The following CSMD2 variants were observed in gnomAD, a reference collection of about 807,000 sequenced individuals.
CSMD2 encodes CUB and Sushi multiple domains 2, also known as CUB and sushi domain-containing protein 2.
Under a neutral mutation model 398.5 loss-of-function variants are expected in CSMD2, and 130 were observed. The observed-to-expected ratio is 0.33, with a 90% confidence interval of 0.28 to 0.38. CSMD2 has a LOEUF of 0.38. Among genes scored for constraint, CSMD2 ranks in the 10% least tolerant of loss-of-function variants. CSMD2 has a pLI of 1.00. For missense variants in CSMD2, 3,829 were observed against 4,764.9 expected, an observed-to-expected ratio of 0.80 and a Z score of 5.78; for synonymous variants, 1,828 against 1,908.5, an observed-to-expected ratio of 0.96 and a Z score of 1.10.
intron 5 of CSMD2, among the ~76,000 whole-genome samples, chr1:33,887,455 T>C (rs1641679562): frequency 6.6e-6 from 1 of 152,196 alleles, no homozygotes; most frequent in Non-Finnish European, 1.5e-5. Context: ...AAAATTGTAC[T>C]TAGCCTCATC....
intron 2 of CSMD2, among the ~76,000 whole-genome samples, chr1:34,053,015 C>T (rs1570945717): frequency 6.6e-6 from 1 of 152,016 alleles, no homozygotes; most frequent in East Asian, 1.9e-4. Context: ...GTTTGGACAG[C>T]TCTCTCAATA....
chr1:33,987,577 C>T (rs1036629606), intron 3 of CSMD2, among the ~76,000 whole-genome samples: 5 of 152,206 alleles, frequency 3.3e-5, no homozygotes, highest in Admixed American at 2.0e-4. Flanking sequence ...CTCCCAGGAG[C>T]ATCTCTTCCA....
chr1:34,155,923 C>T (rs986010262), intron 1 of CSMD2, among the ~76,000 whole-genome samples: 6 of 152,182 alleles, frequency 3.9e-5, no homozygotes, highest in African/African-American at 1.2e-4. Context: ...GAAGATGAAA[C>T]GATTGGCTTC....
intron 5 of CSMD2, among the ~76,000 whole-genome samples, chr1:33,902,670 C>T (rs1378218263): frequency 1.3e-5 from 2 of 152,156 alleles, no homozygotes; most frequent in African/African-American, 4.8e-5. Flanking sequence ...CGCTAAGTAT[C>T]CCCCTCAGCC....
chr1:34,083,004 C>G (rs1332528741), intron 2 of CSMD2, among the ~76,000 whole-genome samples: 2 of 151,728 alleles, frequency 1.3e-5, no homozygotes, highest in Non-Finnish European at 2.9e-5. Context: ...GACCTTCTCT[C>G]CACTATTGTC....
intron 3 of CSMD2, among the ~76,000 whole-genome samples, chr1:34,010,887 A>T (rs1647257283): frequency 6.6e-6 from 1 of 152,136 alleles, no homozygotes; most frequent in Non-Finnish European, 1.5e-5. Flanking sequence ...GGCCTCCCAG[A>T]GTGCTGGGAT....
In CSMD2 at chr1:33,983,735, T is replaced by C. The variant is rs1646251342; in HGVS notation, c.518-47781A>G. Reference sequence around the variant, plus strand: ...GATCTCTGTAAAGGAGAGAAAGACGTTTTGAGGAAGCTTGTTTCTGTGCAT... The same window carrying C: ...GATCTCTGTAAAGGAGAGAAAGACGCTTTGAGGAAGCTTGTTTCTGTGCAT... On this transcript the variant is annotated intron_variant, in intron 3 of 70. Transcript: ENST00000373381. Among the ~76,000 whole-genome samples the C allele has an allele frequency of 2.0e-5, 3 of 152,036 alleles. No homozygotes were observed. In the South Asian group the frequency reaches 6.2e-4, roughly 32 times the overall value.
At chr1:33,760,898 A>G (rs534633043) in intron 13 of CSMD2, among the ~76,000 whole-genome samples, 93 of 151,988 alleles carry the variant, frequency 6.1e-4, no homozygotes, top group Non-Finnish European at 1.2e-3. Context: ...CTCCCTTACC[A>G]CACCCTCAAT....
At chr1:33,637,099 C>A (rs1642853477) in intron 29 of CSMD2, among the ~76,000 whole-genome samples, 1 of 152,192 alleles carries the variant, frequency 6.6e-6, no homozygotes, top group Admixed American at 6.5e-5. Context: ...CCCATCTGTA[C>A]CACTGGCTGG....
intron 9 of CSMD2, among the ~76,000 whole-genome samples, chr1:33,817,933 A>G (rs892204265): frequency 6.6e-6 from 1 of 152,252 alleles, no homozygotes; most frequent in African/African-American, 2.4e-5. Flanking sequence ...TGCAGCAGAG[A>G]ACTCAGACTT....
chr1:33,974,723 G>C lies in CSMD2; in HGVS notation c.518-38769C>G, dbSNP rs548565268. 5.9e-5 allele frequency among the ~76,000 whole-genome samples: 9 copies of C among 152,268 alleles called. No individual in the cohort carries two copies. In the East Asian group the frequency reaches 1.5e-3, roughly 26 times the overall value. On this transcript the variant is annotated intron_variant, in intron 3 of 70. Coordinates refer to ENST00000373381, the MANE Select transcript of CSMD2 (RefSeq NM_001281956.2). ...ACACTGCAGGAGAATACTGGCAAGT[G>C]TTTGAGCATGAGCTTGAAAGTCAGA... is the stretch of plus-strand genomic sequence containing the variant.
At chr1:33,818,802 A>G (rs1287005301) in intron 9 of CSMD2, among the ~76,000 whole-genome samples, 2 of 152,098 alleles carry the variant, frequency 1.3e-5, no homozygotes, top group Admixed American at 6.5e-5. Flanking sequence ...TTCAGCTCCA[A>G]CTCTGCCCCT....
intron 1 of CSMD2, among the ~76,000 whole-genome samples, chr1:34,137,717 A>G (rs927088608): frequency 6.6e-6 from 1 of 152,214 alleles, no homozygotes; most frequent in Admixed American, 6.5e-5. Flanking sequence ...GTGCTTTCCA[A>G]TTGGGAAGGC....
intron 2 of CSMD2, among the ~76,000 whole-genome samples, chr1:34,044,285 GC>G (rs1371539797): frequency 6.6e-6 from 1 of 152,154 alleles, no homozygotes; most frequent in Non-Finnish European, 1.5e-5. Flanking sequence ...GTTAAATAAA[GC>G]AGGGATTTTT....
Position 33,586,637 on chromosome 1 carries a change from A to C in CSMD2, c.6938-20T>G. 2.0e-6 allele frequency: 3 copies of C among 1,487,094 alleles called. No homozygotes were observed. Among genetic ancestry groups the C allele is most frequent in the African/African-American group, 1.4e-5 (1 of 72,452 alleles). 92.1% of individuals were successfully genotyped at this position (1,487,094 alleles called of 1,614,324 possible). ...TGTCACCTGTCAAAGAAAGACCAAC[A>C]TGTAGACCCTCTTAAGAAGTCCAGT... On this transcript the variant is annotated intron_variant, in intron 45 of 70. Transcript: ENST00000373381.
intron 5 of CSMD2, among the ~76,000 whole-genome samples, chr1:33,886,959 A>G (rs1460877531): frequency 6.6e-6 from 1 of 151,952 alleles, no homozygotes; most frequent in Non-Finnish European, 1.5e-5. Context: ...ACAGAGGGGG[A>G]CACTGAGACT....
intron 44 of CSMD2, among the ~76,000 whole-genome samples, chr1:33,596,314 C>T (rs1639832695): frequency 6.6e-6 from 1 of 152,058 alleles, no homozygotes; most frequent in Non-Finnish European, 1.5e-5. Flanking sequence ...GCTCTGACAC[C>T]CTGTGCCAGC....
chr1:34,049,392 C>T (rs1257444221), intron 2 of CSMD2, among the ~76,000 whole-genome samples: 1 of 152,158 alleles, frequency 6.6e-6, no homozygotes, highest in Non-Finnish European at 1.5e-5. Context: ...CTATGTTGCA[C>T]ATCTTTCAGG....
At chr1:34,108,015 A>G (rs1660689514) in intron 1 of CSMD2, among the ~76,000 whole-genome samples, 1 of 152,182 alleles carries the variant, frequency 6.6e-6, no homozygotes, top group African/African-American at 2.4e-5. Flanking sequence ...ATCCCAACAC[A>G]AGGCTTGGCA....
Sources: gnomAD v4.1 joint callset for allele counts (sites outside exome capture counted in the v4.1 genomes callset) on GRCh38, gnomAD v4.1.1 for gene constraint, MANE v1.5 for transcripts, NCBI Gene and HGNC (gene_info 2026-07-23, HGNC 2026-07-21) for gene names.